The following CTNNA1 variants were observed in gnomAD, a reference collection of about 807,000 sequenced individuals.
CTNNA1 encodes catenin alpha-1.
CTNNA1 carries 37 observed loss-of-function variants against 98.4 expected under a neutral mutation model. The ratio of observed to expected loss-of-function variants is 0.38; its 90% confidence interval spans 0.29 to 0.49. The LOEUF (loss-of-function observed/expected upper bound fraction) is 0.49, where lower values mean the gene tolerates loss of function less well. CTNNA1 is among the 20% of genes least tolerant of loss of function. CTNNA1 has a pLI of 0.95. For synonymous variants in CTNNA1, 404 were observed against 413.2 expected (o/e 0.98, Z 0.27); for missense variants, 761 against 1,147.2 (o/e 0.66, Z 4.86).
At chr5:138,803,706 A>G (rs1581079141) in intron 3 of CTNNA1, among the ~76,000 whole-genome samples, 1 of 152,106 alleles carries the variant, frequency 6.6e-6, no homozygotes, top group Non-Finnish European at 1.5e-5. Flanking sequence ...ATCAAATGGT[A>G]TTTTTTCAAG....
At chr5:138,896,302 T>C (rs1756801803) in intron 9 of CTNNA1, among the ~76,000 whole-genome samples, 1 of 152,158 alleles carries the variant, frequency 6.6e-6, no homozygotes, top group African/African-American at 2.4e-5. Context: ...CCTCAAGATA[T>C]CCTCCCTCCT....
At position 138,824,548 on chromosome 5, in the gene CTNNA1, C is replaced by T. The variant is rs1060502218; in HGVS notation, c.607C>T (p.His203Tyr). 1.9e-6 allele frequency: 3 copies of T among 1,613,628 alleles called. No individual in the cohort carries two copies. Among genetic ancestry groups the T allele is most frequent in the East Asian group, 4.5e-5 (2 of 44,888 alleles). Residue 203 changes from histidine to tyrosine, a missense_variant, in exon 6 of 18, where the codon CAT becomes TAT. Coordinates refer to ENST00000302763, the MANE Select transcript of CTNNA1 (RefSeq NM_001903.5). ...CTTGTAGGAATTGAAAGATGTTGGC[C>T]ATCGTGATCAGATGGCTGCAGCTAG... ...KRQQELKDVG[H>Y]RDQMAAARGI...
intron 5 of CTNNA1, among the ~76,000 whole-genome samples, chr5:138,821,198 C>G (rs1039787789): frequency 6.6e-6 from 1 of 152,206 alleles, no homozygotes; most frequent in African/African-American, 2.4e-5. Flanking sequence ...TGTTCTTTGA[C>G]TGTAAGTGTA....
chr5:138,839,401 A>G (rs1307322443), intron 7 of CTNNA1, among the ~76,000 whole-genome samples: 1 of 151,788 alleles, frequency 6.6e-6, no homozygotes, highest in Non-Finnish European at 1.5e-5. Flanking sequence ...GGGTTTTCCC[A>G]TGTTGGCCAG....
At chr5:138,889,641 C>T (rs1221819618) in intron 9 of CTNNA1, among the ~76,000 whole-genome samples, 1 of 143,378 alleles carries the variant, frequency 7.0e-6, no homozygotes, top group Non-Finnish European at 1.5e-5. Context: ...CCCACCCCCA[C>T]CCCCCAGAAT....
chr5:138,807,797 G>T (rs1224072965), intron 3 of CTNNA1, among the ~76,000 whole-genome samples: 1 of 152,022 alleles, frequency 6.6e-6, no homozygotes, highest in Non-Finnish European at 1.5e-5. Flanking sequence ...GCTCAGGCTG[G>T]AGTGCAGTGG....
intron 5 of CTNNA1, among the ~76,000 whole-genome samples, chr5:138,819,751 G>A (rs1273319640): frequency 6.6e-6 from 1 of 151,888 alleles, no homozygotes; most frequent in Non-Finnish European, 1.5e-5. Flanking sequence ...TCCCTGGAAG[G>A]GGAGTGATAT....
intron 1 of CTNNA1, among the ~76,000 whole-genome samples, chr5:138,768,427 C>G (rs568883695): frequency 1.5e-4 from 22 of 145,686 alleles, no homozygotes; most frequent in South Asian, 6.5e-4. Flanking sequence ...CCCAGCTAAG[C>G]TTTTTTTTTT....
At chr5:138,825,408 C>CT (rs1305119357) in intron 6 of CTNNA1, among the ~76,000 whole-genome samples, 2 of 145,744 alleles carry the variant, frequency 1.4e-5, no homozygotes, top group Non-Finnish European at 3.0e-5. Context: ...TTAAGGTTAA[C>CT]TTTTTGGTGG....
In CTNNA1 at chr5:138,874,993, G is replaced by A; in HGVS notation, c.1063-11219G>A. 16 of 1,418,078 alleles carry A rather than the reference G, an allele frequency of 1.1e-5. No homozygotes were observed. Among genetic ancestry groups the A allele is most frequent in the Non-Finnish European group, 1.6e-5 (16 of 1,011,098 alleles). 87.8% of individuals were successfully genotyped at this position (1,418,078 alleles called of 1,614,324 possible). ...AGTCTGTAAAAGGCTCTAACATGTA[G>A]GAGCCTTTGACCAGTTTCCTGTTTT... On this transcript the variant is annotated intron_variant, in intron 7 of 17. Transcript: ENST00000302763. This position sits in a 1 kb window ranked among gnomAD's most constrained non-coding sequence, Gnocchi z 4.1.
At chr5:138,932,804 C>CCTGG (rs1370127514) in intron 17 of CTNNA1, 92 bp downstream of exon 17, 2 of 1,493,836 alleles carry the variant, frequency 1.3e-6, no homozygotes, top group Non-Finnish European at 1.9e-6. Context: ...AAACACCTGC[C>CCTGG]CTGGGAAAGT....
intron 3 of CTNNA1, among the ~76,000 whole-genome samples, chr5:138,807,088 G>C (rs1036330164): frequency 6.8e-6 from 1 of 146,748 alleles, no homozygotes; most frequent in Non-Finnish European, 1.5e-5. Flanking sequence ...TCGGCTCACT[G>C]TAACCTCCGC....
chr5:138,916,244 GT>G (rs1486018177), intron 10 of CTNNA1, among the ~76,000 whole-genome samples: 2 of 150,924 alleles, frequency 1.3e-5, no homozygotes, highest in African/African-American at 2.5e-5. Flanking sequence ...TATGGATGGG[GT>G]TTCTTTTTGG....
At chr5:138,904,710 A>T (rs1758800315) in intron 10 of CTNNA1, 1 of 331,646 alleles carries the variant, frequency 3.0e-6, no homozygotes, top group Non-Finnish European at 5.5e-6. Flanking sequence ...TAATCGCAGC[A>T]CTTTGGGATC....
rs1554085149 is a variant in CTNNA1, at chr5:138,825,485, T to TTTTTTTTTGTTTG, written c.858+694_858+695insGTTTGTTTTTTTT. ...CCAGTAGATGGCAGCAGTATAAGTT[T>TTTTTTTTTGTTTG]TTTTTTTTTTTTTAGGGCTTTAAAA... On this transcript the variant is annotated intron_variant, in intron 6 of 17. Coordinates refer to ENST00000302763, the MANE Select transcript of CTNNA1 (RefSeq NM_001903.5). Among the ~76,000 whole-genome samples, 23 of 107,934 alleles carry TTTTTTTTTGTTTG rather than the reference T, an allele frequency of 2.1e-4. 1 individual carries two copies. Among genetic ancestry groups the TTTTTTTTTGTTTG allele is most frequent in the Non-Finnish European group, 3.7e-4 (20 of 54,414 alleles). The allele number at this position is 107,934 out of a possible 152,430, so 70.8% of individuals were successfully genotyped here.
intron 7 of CTNNA1, among the ~76,000 whole-genome samples, chr5:138,851,284 CT>C (rs1763159590): frequency 6.6e-6 from 1 of 152,190 alleles, no homozygotes; most frequent in Non-Finnish European, 1.5e-5. Context: ...TGATCTCTGT[CT>C]GCAGGGCTTC....
chr5:138,824,692 G>A lies in CTNNA1; in HGVS notation c.751G>A (p.Ala251Thr), dbSNP rs769727520. 2 of 1,614,220 alleles carry A rather than the reference G, an allele frequency of 1.2e-6. No homozygotes were observed. Among genetic ancestry groups the A allele is most frequent in the Non-Finnish European group, 8.5e-7 (1 of 1,180,044 alleles). Reference protein sequence around the residue: ...RDLIYKQLQQAVTGISNAAQA... With the variant: ...RDLIYKQLQQTVTGISNAAQA... ...CCTGATATACAAGCAGCTGCAGCAG[G>A]CGGTCACAGGCATTTCCAATGCAGC... The change falls in exon 6 of 18, where the codon GCG becomes ACG. Residue 251 changes from alanine (A) to threonine (T), a missense_variant. Transcript: ENST00000302763.
At chr5:138,903,226 A>AT (rs1182364237) in intron 9 of CTNNA1, among the ~76,000 whole-genome samples, 10 of 152,184 alleles carry the variant, frequency 6.6e-5, no homozygotes, top group Admixed American at 2.6e-4. Flanking sequence ...GTCTTATAGA[A>AT]AGCTGATAAT....
chr5:138,922,887 T>C (rs1377751460), intron 11 of CTNNA1, among the ~76,000 whole-genome samples: 1 of 151,338 alleles, frequency 6.6e-6, no homozygotes, highest in African/African-American at 2.4e-5. Flanking sequence ...TTTAGGTTCA[T>C]CTAGAAGGCG....
Sources: gnomAD v4.1 joint callset for allele counts (sites outside exome capture counted in the v4.1 genomes callset) on GRCh38, gnomAD v4.1.1 for gene constraint, Gnocchi (gnomAD v3.1) non-coding constraint, MANE v1.5 for transcripts, NCBI Gene and HGNC (gene_info 2026-07-23, HGNC 2026-07-21) for gene names.